Variants in RBM47 observed in about 807,000 individuals in gnomAD.
The protein encoded by RBM47 is RNA binding motif protein 47.
RBM47 carries 21 observed loss-of-function variants against 47.1 expected under a neutral mutation model. The observed-to-expected ratio is 0.45, with a 90% CI of 0.32 to 0.64. RBM47 has a LOEUF of 0.64. Ranked by LOEUF, RBM47 falls within the 30% of genes least tolerant of loss-of-function variation. The pLI is 0.05. For synonymous variants in RBM47, 375 were observed against 361.7 expected, an observed-to-expected ratio of 1.04 and a Z score of -0.42; for missense variants, 708 against 870.9, an observed-to-expected ratio of 0.81 and a Z score of 2.35.
At chr4:40,590,054 G>A (rs535468195) in intron 1 of RBM47, among the ~76,000 whole-genome samples, 213 of 152,230 alleles carry the variant, frequency 1.4e-3, no homozygotes, top group Middle Eastern at 0.01. Context: ...GATGAATTGA[G>A]AAGCCTTTCC....
intron 3 of RBM47, among the ~76,000 whole-genome samples, chr4:40,462,121 G>A (rs948694637): frequency 2.6e-4 from 39 of 152,190 alleles, no homozygotes; most frequent in African/African-American, 7.5e-4. Context: ...AACAGCGCCC[G>A]TCCAGTGCAG....
At chr4:40,454,468 A>AT (rs1281269306) in intron 3 of RBM47, among the ~76,000 whole-genome samples, 3 of 151,878 alleles carry the variant, frequency 2.0e-5, no homozygotes. Context: ...CCCCCTTTTA[A>AT]TTTTTTTATT....
chr4:40,483,628 A>G (rs773212529), intron 2 of RBM47, among the ~76,000 whole-genome samples: 1 of 152,196 alleles, frequency 6.6e-6, no homozygotes, highest in Non-Finnish European at 1.5e-5. Context: ...CCCGGGAGTC[A>G]GAGGTTGCAG....
At chr4:40,573,839 A>AAGAAAGAAAGAAAGAAAGAAAG (rs1436636301) in intron 1 of RBM47, among the ~76,000 whole-genome samples, 3 of 150,176 alleles carry the variant, frequency 2.0e-5, no homozygotes, top group Non-Finnish European at 3.0e-5. Context: ...AAGAAAGAGA[A>AAGAAAGAAAGAAAGAAAGAAAG]AGAAAGAAAG....
At chr4:40,627,368 T>C (rs1316380676) in intron 1 of RBM47, among the ~76,000 whole-genome samples, 2 of 152,212 alleles carry the variant, frequency 1.3e-5, no homozygotes. Context: ...TGGGATTACC[T>C]AATCACAGTT....
At chr4:40,456,559 C>A (rs201068364) in intron 3 of RBM47, among the ~76,000 whole-genome samples, 2 of 118,738 alleles carry the variant, frequency 1.7e-5, no homozygotes, top group South Asian at 2.7e-4. Context: ...TTTTTTTTTT[C>A]TTTTCTTTTT....
chr4:40,516,683 A>C (rs1425658961), intron 2 of RBM47, among the ~76,000 whole-genome samples: 1 of 152,202 alleles, frequency 6.6e-6, no homozygotes, highest in Non-Finnish European at 1.5e-5. Flanking sequence ...AAAACAGCCC[A>C]AGGTCACTGA....
chr4:40,603,198 A>G (rs1163769008), intron 1 of RBM47, among the ~76,000 whole-genome samples: 1 of 152,214 alleles, frequency 6.6e-6, no homozygotes, highest in Non-Finnish European at 1.5e-5. Flanking sequence ...TTTATATAAA[A>G]GAGATTTTGC....
chr4:40,557,979 G>T (rs1438654296), intron 1 of RBM47, among the ~76,000 whole-genome samples: 1 of 152,086 alleles, frequency 6.6e-6, no homozygotes, highest in Non-Finnish European at 1.5e-5. Context: ...TGTGTACTCT[G>T]GTTAGATCTT....
intron 6 of RBM47, among the ~76,000 whole-genome samples, chr4:40,429,717 A>AAAAAT (rs1715620328): frequency 6.9e-6 from 1 of 145,552 alleles, no homozygotes; most frequent in East Asian, 2.0e-4. Flanking sequence ...AAAAAAAAAA[A>AAAAAT]GTGCCTCTAA....
intron 2 of RBM47, among the ~76,000 whole-genome samples, chr4:40,532,081 G>A (rs1727446699): frequency 6.7e-6 from 1 of 149,694 alleles, no homozygotes; most frequent in Admixed American, 6.7e-5. Context: ...CGCAGTCTCA[G>A]TTCACTGCAA....
At chr4:40,590,224 A>C (rs914767627) in intron 1 of RBM47, among the ~76,000 whole-genome samples, 2 of 152,122 alleles carry the variant, frequency 1.3e-5, no homozygotes, top group Admixed American at 1.3e-4. Context: ...AACATTGTCA[A>C]CTGATTCACT....
At chr4:40,579,091 C>T (rs570437910) in intron 1 of RBM47, among the ~76,000 whole-genome samples, 1 of 149,634 alleles carries the variant, frequency 6.7e-6, no homozygotes, top group South Asian at 2.1e-4. Flanking sequence ...TGCACTCCAG[C>T]CTGGGCAACA....
intron 1 of RBM47, among the ~76,000 whole-genome samples, chr4:40,592,063 C>G (rs1190414244): frequency 1.3e-5 from 2 of 152,172 alleles, no homozygotes; most frequent in Non-Finnish European, 2.9e-5. Flanking sequence ...CAATGCTATG[C>G]TCATTTATAA....
chr4:40,539,730 A>G (rs1728314554), intron 2 of RBM47, among the ~76,000 whole-genome samples: 1 of 123,762 alleles, frequency 8.1e-6, no homozygotes, highest in African/African-American at 3.2e-5. Flanking sequence ...ACAGAGCAAG[A>G]CTCTGTCTCA....
intron 2 of RBM47, among the ~76,000 whole-genome samples, chr4:40,540,576 T>C (rs767362026): frequency 4.5e-4 from 68 of 150,356 alleles, no homozygotes; most frequent in South Asian, 3.3e-3. Context: ...GAGGCGGAGG[T>C]TGCAGTGAGT....
At chr4:40,540,480 A>C (rs1399845637) in intron 2 of RBM47, among the ~76,000 whole-genome samples, 4 of 151,768 alleles carry the variant, frequency 2.6e-5, no homozygotes, top group Non-Finnish European at 5.9e-5. Context: ...TCTCTACTAA[A>C]AATACAAAAT....
At chr4:40,471,914 T>C (rs912281661) in intron 2 of RBM47, among the ~76,000 whole-genome samples, 1 of 152,122 alleles carries the variant, frequency 6.6e-6, no homozygotes. Flanking sequence ...CTTGCACTCA[T>C]CCCGAACTTC....
intron 1 of RBM47, among the ~76,000 whole-genome samples, chr4:40,622,086 T>C (rs541997018): frequency 1.3e-5 from 2 of 152,344 alleles, no homozygotes; most frequent in East Asian, 3.9e-4. Flanking sequence ...TCAACAAGTA[T>C]TTATGGAGCA....
Sources: allele counts gnomAD v4.1 joint callset (sites outside exome capture counted in the v4.1 genomes callset), GRCh38; gene constraint gnomAD v4.1.1; transcripts MANE v1.5; gene names NCBI Gene and HGNC (gene_info 2026-07-23, HGNC 2026-07-21).